Variants in PAPLN observed in about 807,000 individuals in gnomAD.
The protein encoded by PAPLN is papilin, proteoglycan like sulfated glycoprotein.
Under a neutral mutation model 159.0 loss-of-function variants are expected in PAPLN, and 146 were observed. The ratio of observed to expected loss-of-function variants is 0.92; its 90% CI spans 0.80 to 1.05. The LOEUF (loss-of-function observed/expected upper bound fraction) is 1.05, where lower values mean the gene tolerates loss of function less well. Ranked by LOEUF, PAPLN falls within the 50% of genes least tolerant of loss-of-function variation. The pLI, the probability that PAPLN is intolerant of heterozygous loss-of-function variation, is 0.00. For missense variants in PAPLN, 1,720 were observed against 1,743.9 expected (o/e 0.99, Z 0.24); for synonymous variants, 734 against 702.9 (o/e 1.04, Z -0.70).
chr14:73,241,090 A>C (rs1422018720), intron 2 of PAPLN, among the ~76,000 whole-genome samples: 3 of 152,140 alleles, frequency 2.0e-5, no homozygotes, highest in Admixed American at 6.5e-5. Context: ...TGGGGCAGGC[A>C]GGATGGATGG....
intron 18 of PAPLN, chr14:73,262,074 G>A: frequency 2.4e-6 from 1 of 411,566 alleles, no homozygotes; most frequent in East Asian, 3.9e-5. Context: ...AAGGTCCAAG[G>A]GAGCCGGCCC....
At chr14:73,248,413 A>G (rs1274720791) in intron 5 of PAPLN, among the ~76,000 whole-genome samples, 1 of 152,196 alleles carries the variant, frequency 6.6e-6, no homozygotes, top group Non-Finnish European at 1.5e-5. Context: ...GGGAAAGTCT[A>G]AAAAGAGAGT....
chr14:73,242,613 C>G (rs941361928), intron 2 of PAPLN: 11 of 152,220 alleles, frequency 7.2e-5, no homozygotes, highest in African/African-American at 2.7e-4. Context: ...ACGCTCAACA[C>G]TCAGTGTCTT....
At position 73,250,059 on chromosome 14, in the gene PAPLN, A is replaced by G. The variant is rs1017426865; in HGVS notation, c.410A>G (p.Asp137Gly). 6.2e-7 allele frequency: 1 copy of G among 1,613,178 alleles called. No homozygotes were observed. The highest frequency in any genetic ancestry group is 1.1e-5 in the South Asian group (1 of 90,870). Reference protein sequence around the residue: ...FYYKHREAVVDGTPCEPGKRD... With the variant: ...FYYKHREAVVGGTPCEPGKRD... The stretch of plus-strand genomic sequence containing the variant: ...TACAAGCACAGGGAGGCTGTGGTTG[A>G]TGGGACGCCCTGCGAGCCTGGCAAG... The change falls in exon 6 of 27, where the codon GAT becomes GGT. Residue 137 changes from aspartate to glycine, a missense_variant. Asp to Gly is a moderately conservative substitution (Grantham distance 94, BLOSUM62 -1). Transcript: ENST00000644200.
rs1423201581 is a variant in PAPLN, at chr14:73,245,243, C to T, written c.171-393C>T. The stretch of plus-strand genomic sequence containing the variant: ...TTTGTATAGGGGTTGTTCCTGAGAA[C>T]CCTATGTGAGGAGGAATGAGAGACC... On this transcript the variant is annotated intron_variant, in intron 3 of 26. Coordinates refer to ENST00000644200, the MANE Select transcript of PAPLN (RefSeq NM_001365906.3). The surrounding 1 kb of genome is among the most constrained non-coding windows in gnomAD (Gnocchi z 4.2). 7 of 229,454 alleles carry T rather than the reference C, an allele frequency of 3.1e-5. No homozygotes were observed. The highest frequency in any genetic ancestry group is 5.2e-5 in the Non-Finnish European group (6 of 114,642). 14.2% of individuals were successfully genotyped at this position (229,454 alleles called of 1,614,324 possible).
intron 10 of PAPLN, 23 bp from the exon 11 acceptor site, chr14:73,252,626 G>T (rs2242611): frequency 1.9e-6 from 3 of 1,607,584 alleles, no homozygotes; most frequent in Non-Finnish European, 1.7e-6. Context: ...GCGTCTGCCC[G>T]CCATGGCTGG....
At chr14:73,254,214 G>A (rs1006861315) in intron 12 of PAPLN, among the ~76,000 whole-genome samples, 1 of 152,200 alleles carries the variant, frequency 6.6e-6, no homozygotes, top group Non-Finnish European at 1.5e-5. Context: ...TGTGTTGTTT[G>A]GGGGCAAGGG....
At chr14:73,248,247 CTA>C (rs1264177310) in intron 5 of PAPLN, among the ~76,000 whole-genome samples, 23 of 80,088 alleles carry the variant, frequency 2.9e-4, no homozygotes, top group African/African-American at 6.4e-4. Context: ...CTCATATCCT[CTA>C]TGTGTGTGTG....
chr14:73,248,104 TGTGCGC>T lies in PAPLN; in HGVS notation c.335-1876_335-1871del, dbSNP rs1555361139. The stretch of plus-strand genomic sequence containing the variant: ...GTGTGTGTGTGTGTGTGTGTGTGTG[TGTGCGC>T]GTGTGTGTGTTGTGGGGATCGTGGC... On this transcript the variant is annotated intron_variant, in intron 5 of 26. Coordinates refer to ENST00000644200, the MANE Select transcript of PAPLN (RefSeq NM_001365906.3). Among the ~76,000 whole-genome samples, 4 of 103,522 alleles carry T rather than the reference TGTGCGC, an allele frequency of 3.9e-5. 1 individual carries two copies. Among genetic ancestry groups the T allele is most frequent in the African/African-American group, 1.6e-4 (4 of 24,952 alleles). The allele number at this position is 103,522 out of a possible 152,430, so 67.9% of individuals were successfully genotyped here.
At chr14:73,271,503 A>T (rs918503849) in intron 26 of PAPLN, among the ~76,000 whole-genome samples, 240 of 143,760 alleles carry the variant, frequency 1.7e-3, no homozygotes, top group South Asian at 4.7e-3. Context: ...GTAGAATGAA[A>T]TTTTTTTTTT....
At position 73,262,407 on chromosome 14, in the gene PAPLN, C is replaced by T; in HGVS notation, c.2303C>T (p.Ala768Val). The T allele has an allele frequency of 2.5e-6, 4 of 1,614,014 alleles. No homozygotes were observed. The highest frequency in any genetic ancestry group is 3.4e-6 in the Non-Finnish European group (4 of 1,179,958). ...CATGGCTCTTGCGCAGACTGGGCTGCCCGCTGGTACTTCGTTGCCTCTGTG... is the reference window on the plus strand; with the variant it reads ...CATGGCTCTTGCGCAGACTGGGCTGTCCGCTGGTACTTCGTTGCCTCTGTG... ...SAHGSCADWAARWYFVASVGQ... is the reference protein window; with the variant it reads ...SAHGSCADWAVRWYFVASVGQ... The change falls in exon 19 of 27, where the codon GCC (alanine) becomes GTC (valine). Residue 768 changes from alanine (A) to valine (V), a missense_variant. Physicochemically the swap from Ala to Val is moderately conservative, Grantham distance 64 (BLOSUM62 0). Transcript: ENST00000644200.
intron 25 of PAPLN, among the ~76,000 whole-genome samples, chr14:73,267,662 C>T (rs763582082): frequency 1.6e-4 from 24 of 152,194 alleles, no homozygotes; most frequent in Admixed American, 9.8e-4. Context: ...GACGCGATTG[C>T]GGAGGGCATC....
At chr14:73,258,677 A>G (rs183809401) in intron 14 of PAPLN, among the ~76,000 whole-genome samples, 33 of 147,970 alleles carry the variant, frequency 2.2e-4, no homozygotes, top group African/African-American at 7.9e-4. Flanking sequence ...TGGGAGGATC[A>G]CTTGAACCCA....
chr14:73,243,379 A>G (rs1313252614), intron 2 of PAPLN: 1 of 152,222 alleles, frequency 6.6e-6, no homozygotes, highest in Non-Finnish European at 1.5e-5. Context: ...ACCCTAAAAG[A>G]AAGTCCCCTT....
chr14:73,272,231 T>G (rs757777858), intron 26 of PAPLN: 26 of 347,028 alleles, frequency 7.5e-5, no homozygotes, highest in Non-Finnish European at 1.2e-4. Context: ...TTTGGGAGTC[T>G]AGGAAGAGCT....
At chr14:73,268,437 C>A in intron 25 of PAPLN, 120 bp from the exon 26 acceptor site, 1 of 1,026,376 alleles carries the variant, frequency 9.7e-7, no homozygotes, top group Non-Finnish European at 1.4e-6. Context: ...TGTCCTCCAC[C>A]TGTTTGCTCT....
At chr14:73,271,733 CTCGTGA>C (rs1456262895) in intron 26 of PAPLN, among the ~76,000 whole-genome samples, 3 of 152,288 alleles carry the variant, frequency 2.0e-5, no homozygotes, top group Admixed American at 2.0e-4. Flanking sequence ...AACTCCTGAC[CTCGTGA>C]TCCGCCCGCC....
intron 26 of PAPLN, among the ~76,000 whole-genome samples, chr14:73,271,175 G>A (rs1307000139): frequency 6.6e-6 from 1 of 152,192 alleles, no homozygotes; most frequent in Non-Finnish European, 1.5e-5. Context: ...ACTATGCTGA[G>A]TTCCCACTAT....
intron 2 of PAPLN, among the ~76,000 whole-genome samples, chr14:73,241,300 C>T (rs549419892): frequency 4.6e-5 from 7 of 152,322 alleles, no homozygotes; most frequent in African/African-American, 1.2e-4. Flanking sequence ...TCAGGTCCTT[C>T]ACCACGTGCT....
Sources: allele counts gnomAD v4.1 joint callset (sites outside exome capture counted in the v4.1 genomes callset), GRCh38; gene constraint gnomAD v4.1.1; non-coding constraint Gnocchi (gnomAD v3.1); transcripts MANE v1.5; gene names NCBI Gene and HGNC (gene_info 2026-07-23, HGNC 2026-07-21).